Variants in CD55 observed in about 807,000 individuals in gnomAD.
The protein encoded by CD55 is CD55 molecule (Cromer blood group), also known as complement decay-accelerating factor.
A neutral mutation model predicts 45.8 loss-of-function variants in CD55; 41 were observed. That is an observed-to-expected ratio of 0.90 (90% CI 0.70 to 1.16). The LOEUF (loss-of-function observed/expected upper bound fraction) is 1.16. Ranked by LOEUF, CD55 falls within the 50% of genes most tolerant of loss-of-function variation. The probability of loss-of-function intolerance (pLI) is 0.00; values close to 1 mark genes in which losing one functional copy is unlikely to be tolerated. For synonymous variants in CD55, 181 were observed against 181.1 expected (o/e 1.00, Z 0.01); for missense variants, 416 against 469.8 (o/e 0.89, Z 1.06).
At chr1:207,321,907 T>A in intron 1 of CD55, 42 bp downstream of exon 1, 1 of 1,398,240 alleles carries the variant, frequency 7.2e-7, no homozygotes, top group East Asian at 2.6e-5. Context: ...CTGGGCTGGG[T>A]GGGAGGTCCA....
intron 9 of CD55, among the ~76,000 whole-genome samples, chr1:207,346,493 G>A (rs568758715): frequency 3.5e-4 from 53 of 152,290 alleles, no homozygotes; most frequent in Admixed American, 1.0e-3. Flanking sequence ...GCTGTGCTGT[G>A]GACCAGCTAC....
At chr1:207,353,790 G>A (rs1346858630) in intron 9 of CD55, among the ~76,000 whole-genome samples, 1 of 152,206 alleles carries the variant, frequency 6.6e-6, no homozygotes, top group East Asian at 1.9e-4. Flanking sequence ...ATGTCTCTCT[G>A]AGGAAGCAGA....
chr1:207,331,066 C>A, intron 5 of CD55, 42 bp from the exon 6 acceptor site: 1 of 1,301,438 alleles, frequency 7.7e-7, no homozygotes, highest in Non-Finnish European at 1.1e-6. Flanking sequence ...AAATACTTTA[C>A]TAGTTTTATT....
At chr1:207,336,242 C>T (rs12081596) in intron 6 of CD55, among the ~76,000 whole-genome samples, 66 of 152,188 alleles carry the variant, frequency 4.3e-4, no homozygotes, top group Middle Eastern at 3.4e-3. Context: ...TTAAACAAGA[C>T]GTGAAACAAA....
chr1:207,340,546 A>G (rs751885842), intron 9 of CD55: 1 of 697,602 alleles, frequency 1.4e-6, no homozygotes, highest in African/African-American at 1.8e-5. Flanking sequence ...TTTGAAATTT[A>G]TTTTTTGTAG....
At chr1:207,358,984 T>A (rs1377883142) in intron 9 of CD55, among the ~76,000 whole-genome samples, 1 of 152,180 alleles carries the variant, frequency 6.6e-6, no homozygotes, top group Non-Finnish European at 1.5e-5. Flanking sequence ...TGACCTACCT[T>A]GTATTTCTCC....
In CD55 at chr1:207,322,501, G is replaced by C; in HGVS notation, c.220G>C (p.Gly74Arg). 1 of 1,614,208 alleles carries C rather than the reference G, an allele frequency of 6.2e-7. No homozygotes were observed. Among genetic ancestry groups the C allele is most frequent in the African/African-American group, 1.3e-5 (1 of 75,062 alleles). The change falls in exon 2 of 10, where the codon GGC becomes CGC. Residue 74 changes from glycine to arginine, a missense_variant. Transcript: ENST00000367064. ...KCEESFVKIP[G>R]EKDSVICLKG... ...TGAAGAAAGCTTTGTGAAAATTCCT[G>C]GCGAGAAGGACTCAGTGATCTGCCT...
In CD55 at chr1:207,359,790, C is replaced by T; in HGVS notation, c.*180C>T. 1 of 663,460 alleles carries T rather than the reference C, an allele frequency of 1.5e-6. No individual in the cohort carries two copies. Among genetic ancestry groups the T allele is most frequent in the Non-Finnish European group, 2.2e-6 (1 of 444,636 alleles). 41.1% of individuals were successfully genotyped at this position (663,460 alleles called of 1,614,324 possible). ...AGGAGAAAAAAGGCAGTCCTGGAAT[C>T]ACATTCTTAGCACACCTACACCTCT... On this transcript the variant is annotated 3_prime_UTR_variant, in exon 10 of 10. Coordinates refer to ENST00000367064, the MANE Select transcript of CD55 (RefSeq NM_000574.5).
At chr1:207,339,141 T>TAATC (rs1476961889) in intron 8 of CD55, among the ~76,000 whole-genome samples, 2 of 152,212 alleles carry the variant, frequency 1.3e-5, no homozygotes, top group African/African-American at 4.8e-5. Flanking sequence ...TTTGTTTTGG[T>TAATC]AATCAATAAC....
chr1:207,345,620 C>T (rs1393443474), intron 9 of CD55, among the ~76,000 whole-genome samples: 1 of 151,824 alleles, frequency 6.6e-6, no homozygotes, highest in Non-Finnish European at 1.5e-5. Flanking sequence ...TATTGTGTTC[C>T]TTTGGTGGTA....
intron 9 of CD55, chr1:207,353,974 C>T: frequency 1.3e-6 from 2 of 1,523,866 alleles, no homozygotes; most frequent in Non-Finnish European, 1.8e-6. Flanking sequence ...TTTTTGTTTT[C>T]ATAGCACATG....
intron 7 of CD55, 161 bp from the exon 8 acceptor site, chr1:207,337,168 T>A: frequency 1.6e-6 from 1 of 618,906 alleles, no homozygotes; most frequent in South Asian, 1.9e-5. Flanking sequence ...TGATGACAAA[T>A]GCTTCTGCTA....
At position 207,332,405 on chromosome 1, in the gene CD55, T is replaced by C. The variant is rs1021313296; in HGVS notation, c.853+1109T>C. ...GTACAATAAATTCCTTGTAGTATAA[T>C]TATTTATAACAAAGGTATGTGAATT... On this transcript the variant is annotated intron_variant, in intron 6 of 9. Coordinates refer to ENST00000367064, the MANE Select transcript of CD55 (RefSeq NM_000574.5). 5.3e-5 allele frequency among the ~76,000 whole-genome samples: 8 copies of C among 152,166 alleles called. 1 individual carries two copies. The South Asian group carries it at 1.4e-3, about 28-fold the overall frequency.
intron 9 of CD55, among the ~76,000 whole-genome samples, chr1:207,351,454 C>A (rs1655865001): frequency 6.6e-6 from 1 of 152,040 alleles, no homozygotes. Context: ...TTGAAGTCTC[C>A]CACTATATTG....
At chr1:207,349,442 C>T (rs1655780036) in intron 9 of CD55, among the ~76,000 whole-genome samples, 1 of 151,966 alleles carries the variant, frequency 6.6e-6, no homozygotes, top group South Asian at 2.1e-4. Flanking sequence ...CTCAGCCTTG[C>T]AAAGTGCTGG....
rs1382552840 is a variant in CD55, at chr1:207,347,568, A to G, written c.1081+8151A>G. 4 of 221,746 alleles carry G rather than the reference A, an allele frequency of 1.8e-5. No individual in the cohort carries two copies. In the South Asian group the frequency reaches 2.4e-4, roughly 13 times the overall value. The allele number at this position is 221,746 out of a possible 1,614,324, so 13.7% of individuals were successfully genotyped here. On this transcript the variant is annotated intron_variant, in intron 9 of 9. Coordinates refer to ENST00000367064, the MANE Select transcript of CD55 (RefSeq NM_000574.5). ...AGCCACCGCACCTGGCCAGGTAAAC[A>G]CATTTTTTTTCTTCCACCTTTTATT... is the stretch of plus-strand genomic sequence containing the variant.
Position 207,339,435 on chromosome 1 carries a change from G to A in CD55, c.1081+18G>A. On this transcript the variant is annotated intron_variant, in intron 9 of 9. Transcript: ENST00000367064. ...TCTATCTGGTAAGTTTGGCTCTCAG[G>A]CCATTAAAAGAAATTGTTTTCACTG... is the stretch of plus-strand genomic sequence containing the variant. The A allele has an allele frequency of 6.3e-7, 1 of 1,592,826 alleles. No individual in the cohort carries two copies. The highest frequency in any genetic ancestry group is 1.1e-5 in the South Asian group (1 of 88,590).
intron 9 of CD55, among the ~76,000 whole-genome samples, chr1:207,347,746 A>G (rs1265115117): frequency 6.6e-6 from 1 of 152,134 alleles, no homozygotes; most frequent in Non-Finnish European, 1.5e-5. Context: ...TTCCATTCTC[A>G]AATAAGCCCT....
intron 6 of CD55, among the ~76,000 whole-genome samples, chr1:207,333,902 C>A (rs76373622): frequency 0.011 from 1,715 of 151,838 alleles, 40 homozygotes; most frequent in African/African-American, 0.04. Flanking sequence ...TTAAACTGTG[C>A]TAACACATTA....
Sources: gnomAD v4.1 joint callset for allele counts (sites outside exome capture counted in the v4.1 genomes callset) on GRCh38, gnomAD v4.1.1 for gene constraint, MANE v1.5 for transcripts, NCBI Gene and HGNC (gene_info 2026-07-23, HGNC 2026-07-21) for gene names.